The following WWOX variants were observed in gnomAD, a reference collection of about 807,000 sequenced individuals.
WWOX encodes the protein WW domain-containing oxidoreductase.
A neutral mutation model predicts 46.2 loss-of-function variants in WWOX; 69 were observed. The observed-to-expected ratio is 1.49, with a 90% CI of 1.23 to 1.82. WWOX has a LOEUF of 1.82. Among genes scored for constraint, WWOX ranks in the 40% most tolerant of loss-of-function variants. WWOX has a pLI of 0.00. For missense variants in WWOX, 919 were observed against 542.6 expected, an observed-to-expected ratio of 1.69 and a Z score of -6.89; for synonymous variants, 359 against 202.6, an observed-to-expected ratio of 1.77 and a Z score of -6.56.
intron 8 of WWOX, among the ~76,000 whole-genome samples, chr16:78,790,614 G>C (rs2050571044): frequency 6.6e-6 from 1 of 152,126 alleles, no homozygotes; most frequent in African/African-American, 2.4e-5. Flanking sequence ...TTTCTCTCTG[G>C]CAGATTAATT....
intron 8 of WWOX, among the ~76,000 whole-genome samples, chr16:78,772,830 A>G (rs1240813851): frequency 1.3e-5 from 2 of 152,096 alleles, no homozygotes; most frequent in East Asian, 1.9e-4. Context: ...ACCAGCCTGG[A>G]CAACATAGCG....
At chr16:78,266,515 C>T (rs142511851) in intron 5 of WWOX, among the ~76,000 whole-genome samples, 1 of 152,158 alleles carries the variant, frequency 6.6e-6, no homozygotes, top group South Asian at 2.1e-4. Flanking sequence ...TTTGTCCCTT[C>T]CCTCTGAAGG....
chr16:78,384,067 C>A (rs1474101121), intron 5 of WWOX, among the ~76,000 whole-genome samples: 1 of 152,108 alleles, frequency 6.6e-6, no homozygotes, highest in Non-Finnish European at 1.5e-5. Flanking sequence ...TGAAATACTG[C>A]TTTGGGGTCG....
At chr16:78,799,666 T>A (rs1399647528) in intron 8 of WWOX, among the ~76,000 whole-genome samples, 1 of 152,164 alleles carries the variant, frequency 6.6e-6, no homozygotes, top group Non-Finnish European at 1.5e-5. Context: ...GCACTTTGCA[T>A]ACTGACCTTT....
intron 5 of WWOX, among the ~76,000 whole-genome samples, chr16:78,213,088 A>G (rs370111861): frequency 6.6e-6 from 1 of 151,830 alleles, no homozygotes; most frequent in East Asian, 1.9e-4. Flanking sequence ...CTCCATGTCT[A>G]CTAATAACAC....
At chr16:78,266,091 CTG>C (rs2079356285) in intron 5 of WWOX, 1 of 152,158 alleles carries the variant, frequency 6.6e-6, no homozygotes. Flanking sequence ...CAAACTGTCT[CTG>C]ATATGAAGGG....
At chr16:78,871,972 G>A (rs1468660377) in intron 8 of WWOX, among the ~76,000 whole-genome samples, 5 of 152,170 alleles carry the variant, frequency 3.3e-5, no homozygotes, top group Admixed American at 2.6e-4. Context: ...CTTGGCTGTG[G>A]CCTTGCAGAC....
intron 8 of WWOX, among the ~76,000 whole-genome samples, chr16:78,862,504 A>C (rs538473514): frequency 6.6e-6 from 1 of 152,070 alleles, no homozygotes; most frequent in Non-Finnish European, 1.5e-5. Flanking sequence ...ATTTTTCTGT[A>C]TATATGTATA....
chr16:78,837,955 G>C (rs914046400), intron 8 of WWOX, among the ~76,000 whole-genome samples: 4 of 152,164 alleles, frequency 2.6e-5, no homozygotes, highest in African/African-American at 9.7e-5. Flanking sequence ...GCTTGAATGA[G>C]TAAATTTACT....
intron 8 of WWOX, among the ~76,000 whole-genome samples, chr16:78,636,428 T>G (rs1408117425): frequency 6.6e-6 from 1 of 152,152 alleles, no homozygotes; most frequent in Non-Finnish European, 1.5e-5. Context: ...TCCAGTTGAT[T>G]GGGGAATAGT....
chr16:78,830,849 C>A (rs1050809214), intron 8 of WWOX, among the ~76,000 whole-genome samples: 2 of 152,004 alleles, frequency 1.3e-5, no homozygotes, highest in Non-Finnish European at 2.9e-5. Flanking sequence ...GCAGAGTGTC[C>A]TTTTCTTTCT....
intron 8 of WWOX, among the ~76,000 whole-genome samples, chr16:78,479,004 G>C (rs16947657): frequency 0.034 from 5,102 of 152,146 alleles, 150 homozygotes; most frequent in African/African-American, 0.08. Context: ...GATCAACAAG[G>C]CATATTGCCA....
chr16:78,409,065 C>T (rs2082613093), intron 6 of WWOX, among the ~76,000 whole-genome samples: 1 of 152,132 alleles, frequency 6.6e-6, no homozygotes, highest in Non-Finnish European at 1.5e-5. Flanking sequence ...GAAGTCACTC[C>T]AAAAACAGAT....
intron 8 of WWOX, among the ~76,000 whole-genome samples, chr16:78,758,480 T>C (rs543710881): frequency 2.0e-5 from 3 of 152,344 alleles, no homozygotes; most frequent in Non-Finnish European, 2.9e-5. Context: ...TTACCACAGA[T>C]TGGAAGCAGG....
At chr16:78,998,662 G>A (rs773345812) in intron 8 of WWOX, among the ~76,000 whole-genome samples, 8 of 152,232 alleles carry the variant, frequency 5.3e-5, no homozygotes, top group Non-Finnish European at 1.0e-4. Context: ...GTAGGTAAGC[G>A]GCTAGCACAG....
At chr16:78,408,196 G>A (rs1023004244) in intron 6 of WWOX, among the ~76,000 whole-genome samples, 8 of 152,140 alleles carry the variant, frequency 5.3e-5, no homozygotes, top group Non-Finnish European at 1.0e-4. Flanking sequence ...CTTACTTGGT[G>A]CACTCTTCTG....
chr16:78,422,356 T>TG (rs1828561661), intron 6 of WWOX, among the ~76,000 whole-genome samples: 1 of 146,944 alleles, frequency 6.8e-6, no homozygotes, highest in African/African-American at 2.7e-5. Flanking sequence ...GTGAAAAGTG[T>TG]CTTTTTTTTG....
At chr16:78,551,513 T>G (rs1209192858) in intron 8 of WWOX, 1 of 152,240 alleles carries the variant, frequency 6.6e-6, no homozygotes, top group African/African-American at 2.4e-5. Context: ...TAAGGTGTTC[T>G]GTTCCTGTCT....
At chr16:78,848,784 G>A (rs112166443) in intron 8 of WWOX, among the ~76,000 whole-genome samples, 1,831 of 128,096 alleles carry the variant, frequency 0.014, 20 homozygotes, top group Middle Eastern at 0.035. Flanking sequence ...ATAGACGGGA[G>A]TTACACAGAG....
Sources: allele counts gnomAD v4.1 joint callset (sites outside exome capture counted in the v4.1 genomes callset), GRCh38; gene constraint gnomAD v4.1.1; transcripts MANE v1.5; gene names NCBI Gene and HGNC (gene_info 2026-07-23, HGNC 2026-07-21).